TMEM135: variants seen among roughly 807,000 people sequenced by gnomAD.
TMEM135 encodes peroxisomal membrane protein 52.
Under a neutral mutation model 60.3 loss-of-function variants are expected in TMEM135, and 30 were observed. The observed-to-expected ratio is 0.50, with a 90% confidence interval of 0.37 to 0.68. The LOEUF is 0.68. Among genes scored for constraint, TMEM135 ranks in the 30% least tolerant of loss-of-function variants. The pLI is 0.00. For synonymous variants in TMEM135, 190 were observed against 186.7 expected (o/e 1.02, Z -0.14); for missense variants, 468 against 548.8 (o/e 0.85, Z 1.47).
rs1473100017 is a variant in TMEM135, at chr11:87,042,033, C to T, written c.141+3847C>T. On this transcript the variant is annotated intron_variant, in intron 1 of 14. Transcript: ENST00000305494. ...GGCCCTCTGAAGGTTCACCAAAAATCACTGACAGGAGGCCGATGGATTAAT... is the reference window on the plus strand; with the variant it reads ...GGCCCTCTGAAGGTTCACCAAAAATTACTGACAGGAGGCCGATGGATTAAT... 2.0e-5 allele frequency among the ~76,000 whole-genome samples: 3 copies of T among 152,292 alleles called. No individual in the cohort carries two copies. In the East Asian group the frequency reaches 5.8e-4, roughly 29 times the overall value.
chr11:87,252,878 A>T (rs991948590), intron 6 of TMEM135, among the ~76,000 whole-genome samples: 7 of 151,934 alleles, frequency 4.6e-5, no homozygotes, highest in Non-Finnish European at 1.0e-4. Context: ...TCCTCAGAAG[A>T]TATATACAGA....
rs1942607703 is a variant in TMEM135, at chr11:87,309,591, A to G, written c.855A>G (p.Pro285=). 1.2e-6 allele frequency: 2 copies of G among 1,613,818 alleles called. No homozygotes were observed. Among genetic ancestry groups the G allele is most frequent in the African/African-American group, 2.7e-5 (2 of 74,930 alleles). ...CATTTAGGCATCTGTTTACACAGCCATCTCGGCTACTTTCTCTCTTCTACA... is the reference window on the plus strand; with the variant it reads ...CATTTAGGCATCTGTTTACACAGCCGTCTCGGCTACTTTCTCTCTTCTACA... ...PSAFRHLFTQ[P]SRLLSLFYNK... Residue 285 remains proline, a synonymous_variant, in exon 10 of 15, where the codon CCA becomes CCG. Transcript: ENST00000305494.
intron 14 of TMEM135, among the ~76,000 whole-genome samples, chr11:87,320,257 TA>T (rs1431716379): frequency 6.6e-6 from 1 of 152,160 alleles, no homozygotes; most frequent in African/African-American, 2.4e-5. Context: ...AGGGGTTAGA[TA>T]GCTTGCCAGA....
chr11:87,074,332 A>G (rs1449031172), intron 3 of TMEM135, among the ~76,000 whole-genome samples: 2 of 152,228 alleles, frequency 1.3e-5, no homozygotes, highest in African/African-American at 2.4e-5. Context: ...TGCCTGACAC[A>G]TAGTAAGAGT....
intron 1 of TMEM135, among the ~76,000 whole-genome samples, chr11:87,066,064 A>C (rs1406879530): frequency 2.6e-5 from 4 of 152,164 alleles, no homozygotes; most frequent in Non-Finnish European, 5.9e-5. Context: ...TTGAAGAGGG[A>C]GGGAGTAACA....
At chr11:87,276,660 T>A (rs984195384) in intron 6 of TMEM135, among the ~76,000 whole-genome samples, 3 of 138,774 alleles carry the variant, frequency 2.2e-5, no homozygotes, top group African/African-American at 7.9e-5. Flanking sequence ...TTAGTGTGTT[T>A]GTGAATTTTT....
chr11:87,283,153 G>C (rs1016642594), intron 6 of TMEM135, among the ~76,000 whole-genome samples: 13 of 151,760 alleles, frequency 8.6e-5, no homozygotes, highest in African/African-American at 3.1e-4. Flanking sequence ...TGGCCAACAT[G>C]GTGAAACCCT....
intron 5 of TMEM135, among the ~76,000 whole-genome samples, chr11:87,192,255 C>T (rs1261540750): frequency 6.6e-6 from 1 of 151,470 alleles, no homozygotes; most frequent in Non-Finnish European, 1.5e-5. Flanking sequence ...TCCCAAAGTG[C>T]TGGGATTACA....
Position 87,321,936 on chromosome 11 carries a change from G to T in TMEM135, c.*603G>T, listed in dbSNP as rs546214472. The stretch of plus-strand genomic sequence containing the variant: ...GTCTCATACCATTTGGATAAATGTC[G>T]TGGTATCCATGCTTTTTTTCAACTA... On this transcript the variant is annotated 3_prime_UTR_variant, in exon 15 of 15. Coordinates refer to ENST00000305494, the MANE Select transcript of TMEM135 (RefSeq NM_022918.4). 3 of 454,318 alleles carry T rather than the reference G, an allele frequency of 6.6e-6. No homozygotes were observed. The highest frequency in any genetic ancestry group is 1.3e-5 in the Non-Finnish European group (3 of 226,716). The allele number at this position is 454,318 out of a possible 1,614,324, so 28.1% of individuals were successfully genotyped here.
rs552850992 is a variant in TMEM135 at position 87,304,400 on chromosome 11, T to C, written c.699-1536T>C. ...CATCACTTAGAAAAAAAAAGGAAAC[T>C]TAACAAATTTCAGTGTAGTTCTGGT... On this transcript the variant is annotated intron_variant, in intron 8 of 14. Transcript: ENST00000305494. Among the ~76,000 whole-genome samples the C allele has an allele frequency of 3.3e-5, 5 of 150,518 alleles. No homozygotes were observed. In the South Asian group the frequency reaches 1.0e-3, roughly 31 times the overall value.
At chr11:87,190,779 A>G (rs948211753) in intron 5 of TMEM135, among the ~76,000 whole-genome samples, 1 of 152,138 alleles carries the variant, frequency 6.6e-6, no homozygotes, top group African/African-American at 2.4e-5. Context: ...CAATGAGTTT[A>G]TTATTTTTGC....
chr11:87,319,368 C>T lies in TMEM135; in HGVS notation c.1235C>T (p.Thr412Ile). The T allele has an allele frequency of 1.2e-6, 2 of 1,611,854 alleles. No individual in the cohort carries two copies. Among genetic ancestry groups the T allele is most frequent in the Non-Finnish European group, 1.7e-6 (2 of 1,178,220 alleles). ...PSYWKFLLRL[T>I]KGKFAVMNRK... Reference sequence around the variant, plus strand: ...TACTGGAAGTTCCTTTTAAGACTCACCAAGGGCAAGTAAGTGACTACGTAG... The same window carrying T: ...TACTGGAAGTTCCTTTTAAGACTCATCAAGGGCAAGTAAGTGACTACGTAG... Residue 412 changes from threonine to isoleucine, a missense_variant, in exon 14 of 15, where the codon ACC becomes ATC. Thr to Ile is a moderately conservative substitution (Grantham distance 89). Transcript: ENST00000305494.
chr11:87,130,927 C>T (rs595930), intron 4 of TMEM135, among the ~76,000 whole-genome samples: 72,144 of 150,702 alleles, frequency 0.48, 17,533 homozygotes, highest in East Asian at 0.67. Context: ...TGTTTAGTTA[C>T]AGTTTTCTTT....
intron 5 of TMEM135, among the ~76,000 whole-genome samples, chr11:87,197,319 G>T (rs757276484): frequency 3.3e-5 from 5 of 151,896 alleles, no homozygotes; most frequent in African/African-American, 4.8e-5. Flanking sequence ...ATTCTAATTC[G>T]GCATAAAGGG....
At chr11:87,041,965 T>C (rs1949753756) in intron 1 of TMEM135, among the ~76,000 whole-genome samples, 1 of 152,360 alleles carries the variant, frequency 6.6e-6, no homozygotes, top group Admixed American at 6.5e-5. Context: ...GGAGAAGTTC[T>C]AAAGACAAGC....
chr11:87,158,647 C>T (rs946903979), intron 5 of TMEM135, among the ~76,000 whole-genome samples: 68 of 151,394 alleles, frequency 4.5e-4, no homozygotes, highest in African/African-American at 1.6e-3. Flanking sequence ...ATTTTTTTTA[C>T]TACAGACGAG....
intron 5 of TMEM135, among the ~76,000 whole-genome samples, chr11:87,194,628 C>G (rs951646736): frequency 6.6e-6 from 1 of 152,104 alleles, no homozygotes; most frequent in African/African-American, 2.4e-5. Context: ...CATAAAAACT[C>G]TGGTTAAAAT....
intron 6 of TMEM135, among the ~76,000 whole-genome samples, chr11:87,244,532 G>A (rs1406480515): frequency 1.1e-5 from 1 of 91,532 alleles, no homozygotes; most frequent in Non-Finnish European, 2.6e-5. Flanking sequence ...TTCAGAGCCT[G>A]TTATTGGTCT....
chr11:87,212,911 A>G (rs894892665), intron 5 of TMEM135, among the ~76,000 whole-genome samples: 1 of 152,040 alleles, frequency 6.6e-6, no homozygotes, highest in Non-Finnish European at 1.5e-5. Flanking sequence ...ACAAATTTAT[A>G]GAAATTACTA....
Sources: allele counts gnomAD v4.1 joint callset (sites outside exome capture counted in the v4.1 genomes callset), GRCh38; gene constraint gnomAD v4.1.1; transcripts MANE v1.5; gene names NCBI Gene and HGNC (gene_info 2026-07-23, HGNC 2026-07-21).